The following RAB8A variants were observed in gnomAD, a reference collection of about 807,000 sequenced individuals.
RAB8A encodes the protein RAB8A, member RAS oncogene family.
In RAB8A, 5 loss-of-function variants were observed where a neutral mutation model predicts 29.2. That is an observed-to-expected ratio of 0.17 (90% CI 0.09 to 0.36). RAB8A has a LOEUF of 0.36. RAB8A is among the 10% of genes least tolerant of loss of function. The probability of loss-of-function intolerance (pLI) is 1.00; values close to 1 mark genes in which losing one functional copy is unlikely to be tolerated. For synonymous variants in RAB8A, 108 were observed against 99.9 expected, an observed-to-expected ratio of 1.08 and a Z score of -0.49; for missense variants, 171 against 272.2, an observed-to-expected ratio of 0.63 and a Z score of 2.62.
chr19:16,132,295 T>C lies in RAB8A; in HGVS notation c.615T>C (p.Val205=). Residue 205 remains valine (V), a synonymous_variant, in exon 8 of 8, where the codon GTT becomes GTC. Transcript: ENST00000300935. The surrounding 1 kb of genome is among the most constrained non-coding windows in gnomAD (Gnocchi z 5.6). The part of the protein sequence containing the change: ...QQKRSSFFRC[V]LL ...AGAGGAGCAGCTTTTTCCGATGTGT[T>C]CTTCTGTGAGGAACACCGCCTTACT... The C allele has an allele frequency of 6.2e-7, 1 of 1,613,964 alleles. No homozygotes were observed. Among genetic ancestry groups the C allele is most frequent in the East Asian group, 2.2e-5 (1 of 44,858 alleles).
At chr19:16,112,649 C>T (rs2090829738) in intron 1 of RAB8A, 1 of 155,512 alleles carries the variant, frequency 6.4e-6, no homozygotes, top group Admixed American at 6.2e-5. Flanking sequence ...GCTTAGCTCT[C>T]CTAGAGAGAT....
chr19:16,116,943 C>T (rs1330042310), intron 1 of RAB8A, among the ~76,000 whole-genome samples: 2 of 152,012 alleles, frequency 1.3e-5, no homozygotes, highest in African/African-American at 4.8e-5. Context: ...CATGTGCCCC[C>T]CCAGCCCCAG....
intron 6 of RAB8A, among the ~76,000 whole-genome samples, chr19:16,128,960 C>T (rs1445473262): frequency 1.3e-5 from 2 of 152,214 alleles, no homozygotes; most frequent in African/African-American, 4.8e-5. Context: ...CTCTGTATGT[C>T]CCCTCCTCAA....
At chr19:16,113,132 G>A (rs2090831408) in intron 1 of RAB8A, among the ~76,000 whole-genome samples, 1 of 152,196 alleles carries the variant, frequency 6.6e-6, no homozygotes, top group South Asian at 2.1e-4. Flanking sequence ...CTCTCTCAGT[G>A]CCACAAAAGC....
At position 16,132,418 on chromosome 19, in the gene RAB8A, CA is replaced by C; in HGVS notation, c.*115del. On this transcript the variant is annotated 3_prime_UTR_variant, in exon 8 of 8. Transcript: ENST00000300935. This position sits in a 1 kb window ranked among gnomAD's most constrained non-coding sequence, Gnocchi z 5.6. The stretch of plus-strand genomic sequence containing the variant: ...TCCAACGCCCCGCCCACGCCGCGGC[CA>C]CCGGGCCCACGGCCACCAGAATGCA... 1 of 907,820 alleles carries C rather than the reference CA, an allele frequency of 1.1e-6. No homozygotes were observed. The highest frequency in any genetic ancestry group is 1.7e-6 in the Non-Finnish European group (1 of 592,534). The allele number at this position is 907,820 out of a possible 1,614,324, so 56.2% of individuals were successfully genotyped here. A position where few individuals can be genotyped will look rare whatever the true frequency, so the allele number is the denominator to read the frequency against.
chr19:16,125,526 C>A lies in RAB8A; in HGVS notation c.303C>A (p.Asn101Lys). Residue 101 changes from asparagine to lysine, a missense_variant, in exon 4 of 8, where the codon AAC (asparagine) becomes AAA (lysine). Transcript: ENST00000300935. This position sits in a 1 kb window ranked among gnomAD's most constrained non-coding sequence, Gnocchi z 5.0. ...AGAAGTCCTTCGACAACATCCGGAA[C>A]TGGATTCGCAACATTGAGGAGGTGA... ...TNEKSFDNIR[N>K]WIRNIEEHAS... 1.2e-6 allele frequency: 2 copies of A among 1,614,068 alleles called. No individual in the cohort carries two copies. Among genetic ancestry groups the A allele is most frequent in the Non-Finnish European group, 1.7e-6 (2 of 1,179,894 alleles).
chr19:16,113,043 G>A (rs980205006), intron 1 of RAB8A, among the ~76,000 whole-genome samples: 2 of 152,342 alleles, frequency 1.3e-5, no homozygotes, highest in East Asian at 1.9e-4. Flanking sequence ...AGCTTTTCCT[G>A]TAGGGCCAGC....
intron 6 of RAB8A, among the ~76,000 whole-genome samples, chr19:16,128,342 G>A (rs1184051839): frequency 1.3e-5 from 2 of 152,182 alleles, no homozygotes; most frequent in African/African-American, 2.4e-5. Context: ...GGGCTCTTGG[G>A]CAGCCCTGGG....
chr19:16,129,664 A>T, intron 7 of RAB8A, 60 bp downstream of exon 7: 4 of 1,542,188 alleles, frequency 2.6e-6, no homozygotes, highest in Non-Finnish European at 3.6e-6. Flanking sequence ...CATCGTCGTT[A>T]GCAGCAGTGA....
intron 1 of RAB8A, among the ~76,000 whole-genome samples, chr19:16,117,814 A>G (rs2090853177): frequency 6.6e-6 from 1 of 152,150 alleles, no homozygotes; most frequent in African/African-American, 2.4e-5. Flanking sequence ...AGAGAACGTG[A>G]CCATGTGCAT....
chr19:16,132,389 C>A lies in RAB8A; in HGVS notation c.*85C>A. The A allele has an allele frequency of 2.2e-6, 3 of 1,375,624 alleles. No individual in the cohort carries two copies. The highest frequency in any genetic ancestry group is 2.0e-6 in the Non-Finnish European group (2 of 990,176). The allele number at this position is 1,375,624 out of a possible 1,614,324, so 85.2% of individuals were successfully genotyped here. On this transcript the variant is annotated 3_prime_UTR_variant, in exon 8 of 8. Transcript: ENST00000300935. This position sits in a 1 kb window ranked among gnomAD's most constrained non-coding sequence, Gnocchi z 5.6. The stretch of plus-strand genomic sequence containing the variant: ...GCCCCTCACTCAGCCGGGGCCCTCC[C>A]ACCTCCAACGCCCCGCCCACGCCGC...
At position 16,118,306 on chromosome 19, in the gene RAB8A, G is replaced by A; in HGVS notation, c.185+20G>A. 1.2e-6 allele frequency: 2 copies of A among 1,604,188 alleles called. No individual in the cohort carries two copies. The highest frequency in any genetic ancestry group is 4.5e-5 in the East Asian group (2 of 44,822). ...GATATGGTAAGAGTCATTGTTCTCTGTCATTCTCTCCACCTGGCAATGGCT... is the reference window on the plus strand; with the variant it reads ...GATATGGTAAGAGTCATTGTTCTCTATCATTCTCTCCACCTGGCAATGGCT... On this transcript the variant is annotated intron_variant, in intron 2 of 7. Transcript: ENST00000300935.
At chr19:16,121,667 A>C in intron 2 of RAB8A, 83 bp from the exon 3 acceptor site, 5 of 1,267,286 alleles carry the variant, frequency 3.9e-6, no homozygotes, top group Non-Finnish European at 5.7e-6. Context: ...AAAGCCAGGC[A>C]TCCCGGGTAG....
intron 3 of RAB8A, chr19:16,123,839 G>T (rs1187991176): frequency 6.6e-6 from 1 of 152,038 alleles, no homozygotes; most frequent in Non-Finnish European, 1.5e-5. Context: ...GGTGAGGTTT[G>T]CCCAGACGGG....
chr19:16,131,884 TTGGTTGGTTGGTTGGA>T (rs2090926191), intron 7 of RAB8A, among the ~76,000 whole-genome samples: 1 of 145,022 alleles, frequency 6.9e-6, no homozygotes, highest in South Asian at 2.1e-4. Flanking sequence ...GGTTGGTTGG[TTGGTTGGTTGGTTGGA>T]TGGTTGGAAG....
intron 1 of RAB8A, among the ~76,000 whole-genome samples, chr19:16,116,151 C>A (rs1295894804): frequency 6.6e-6 from 1 of 152,182 alleles, no homozygotes; most frequent in African/African-American, 2.4e-5. Flanking sequence ...AAGGGATAGC[C>A]AGGTAGCTAC....
In RAB8A at chr19:16,127,411, C is replaced by T. The variant is rs1234579064; in HGVS notation, c.325-26C>T. On this transcript the variant is annotated intron_variant, in intron 4 of 7. Coordinates refer to ENST00000300935, the MANE Select transcript of RAB8A (RefSeq NM_005370.5). This position sits in a 1 kb window ranked among gnomAD's most constrained non-coding sequence, Gnocchi z 4.8. Reference sequence around the variant, plus strand: ...CCTGGCCTGTGTCATCCGGTCTGATCCCCCGTCTGTCCCCCTCCCTCTCAG... The same window carrying T: ...CCTGGCCTGTGTCATCCGGTCTGATTCCCCGTCTGTCCCCCTCCCTCTCAG... 7.0e-7 allele frequency: 1 copy of T among 1,422,126 alleles called. No individual in the cohort carries two copies. The highest frequency in any genetic ancestry group is 2.6e-5 in the Admixed American group (1 of 37,928). The allele number at this position is 1,422,126 out of a possible 1,614,324, so 88.1% of individuals were successfully genotyped here.
chr19:16,121,925 C>G, intron 3 of RAB8A, 115 bp downstream of exon 3: 1 of 1,017,076 alleles, frequency 9.8e-7, no homozygotes, highest in Non-Finnish European at 1.5e-6. Context: ...CCCAACTCCT[C>G]AGGGCTCCTT....
intron 3 of RAB8A, among the ~76,000 whole-genome samples, chr19:16,123,459 T>C (rs2090883680): frequency 6.6e-6 from 1 of 151,938 alleles, no homozygotes. Flanking sequence ...ATACAAAAAT[T>C]AGCTGGGCGT....
Sources: gnomAD v4.1 joint callset for allele counts (sites outside exome capture counted in the v4.1 genomes callset) on GRCh38, gnomAD v4.1.1 for gene constraint, Gnocchi (gnomAD v3.1) non-coding constraint, MANE v1.5 for transcripts, NCBI Gene and HGNC (gene_info 2026-07-23, HGNC 2026-07-21) for gene names.